PLEKHA7: variants seen among roughly 807,000 people sequenced by gnomAD.
The protein encoded by PLEKHA7 is pleckstrin homology domain containing A7.
In PLEKHA7, 104 loss-of-function variants were observed where a neutral mutation model predicts 170.0. The ratio of observed to expected loss-of-function variants is 0.61; its 90% CI spans 0.52 to 0.72. The LOEUF is 0.72. Among genes scored for constraint, PLEKHA7 ranks in the 30% least tolerant of loss-of-function variants. PLEKHA7 has a pLI of 0.00. For missense variants in PLEKHA7, 1,615 were observed against 1,671.7 expected, an observed-to-expected ratio of 0.97 and a Z score of 0.59; for synonymous variants, 648 against 660.8, an observed-to-expected ratio of 0.98 and a Z score of 0.30.
At chr11:17,006,391 C>T (rs1864994507) in intron 3 of PLEKHA7, among the ~76,000 whole-genome samples, 1 of 150,212 alleles carries the variant, frequency 6.7e-6, no homozygotes, top group Admixed American at 6.6e-5. Context: ...CTCTGGGAGG[C>T]CAAGGCAGGC....
Position 16,790,832 on chromosome 11 carries a change from G to A in PLEKHA7, c.3018C>T (p.Gly1006=), listed in dbSNP as rs1382955537. The change falls in exon 21 of 27, where the codon GGC becomes GGT. Residue 1006 remains glycine, a synonymous_variant. Transcript: ENST00000531066. The part of the protein sequence containing the change: ...DMAQPSLGLV[G]PESRYQTLPG... ...GCAGCGTCTGGTACCTGCTCTCAGG[G>A]CCCACAAGTCCTAGGGAGGGCTGGG... 3 of 1,609,322 alleles carry A rather than the reference G, an allele frequency of 1.9e-6. No homozygotes were observed. The highest frequency in any genetic ancestry group is 3.4e-5 in the Admixed American group (2 of 59,452).
chr11:16,827,830 A>G (rs528188263), intron 9 of PLEKHA7, among the ~76,000 whole-genome samples: 1,066 of 27,088 alleles, frequency 0.039, 13 homozygotes, highest in African/African-American at 0.07. Flanking sequence ...CTCCATGGTT[A>G]AAAAAAAAAA....
Position 16,803,090 on chromosome 11 carries a change from G to T in PLEKHA7, c.2077-38C>A, listed in dbSNP as rs376914229. On this transcript the variant is annotated intron_variant, in intron 14 of 26. Coordinates refer to ENST00000531066, the MANE Select transcript of PLEKHA7 (RefSeq NM_001329630.2). ...ACAGGTGGAGAGGGCCTGGGGTGAT[G>T]AGAAAAGGACATGACCTTGGGATTG... The T allele has an allele frequency of 4.4e-6, 7 of 1,583,646 alleles. No individual in the cohort carries two copies. The South Asian group carries it at 7.7e-5, about 18-fold the overall frequency.
chr11:16,891,355 G>A (rs1856601208), intron 3 of PLEKHA7, among the ~76,000 whole-genome samples: 1 of 152,234 alleles, frequency 6.6e-6, no homozygotes. Flanking sequence ...GGAGATTGGA[G>A]TGATGCCTCT....
intron 3 of PLEKHA7, among the ~76,000 whole-genome samples, chr11:16,988,577 G>T (rs1451474643): frequency 2.0e-5 from 3 of 152,138 alleles, no homozygotes; most frequent in Non-Finnish European, 4.4e-5. Context: ...CTCTCAAGTA[G>T]CTGGAATTAC....
At chr11:17,002,987 G>GT (rs1461344563) in intron 3 of PLEKHA7, among the ~76,000 whole-genome samples, 25,089 of 113,582 alleles carry the variant, frequency 0.22, 2,813 homozygotes, top group Middle Eastern at 0.33. Context: ...GAATAGTTGT[G>GT]CCTTTTTTTT....
chr11:16,986,540 T>C (rs1292267654), intron 3 of PLEKHA7, among the ~76,000 whole-genome samples: 3 of 152,158 alleles, frequency 2.0e-5, no homozygotes, highest in Non-Finnish European at 4.4e-5. Context: ...CCCTACTGAC[T>C]GGCTGGAGGC....
chr11:16,800,126 T>C (rs372063753), intron 17 of PLEKHA7, among the ~76,000 whole-genome samples: 1 of 152,180 alleles, frequency 6.6e-6, no homozygotes, highest in Admixed American at 6.5e-5. Flanking sequence ...ACAAGAAGCC[T>C]CAATTAATGC....
Position 16,789,992 on chromosome 11 carries a change from C to A in PLEKHA7, c.3053-114G>T. The A allele has an allele frequency of 1.1e-6, 1 of 907,828 alleles. No homozygotes were observed. Among genetic ancestry groups the A allele is most frequent in the South Asian group, 1.5e-5 (1 of 65,006 alleles). The allele number at this position is 907,828 out of a possible 1,614,324, so 56.2% of individuals were successfully genotyped here. A position where few individuals can be genotyped will look rare whatever the true frequency, so the allele number is the denominator to read the frequency against. On this transcript the variant is annotated intron_variant, in intron 21 of 26. Coordinates refer to ENST00000531066, the MANE Select transcript of PLEKHA7 (RefSeq NM_001329630.2). The surrounding 1 kb of genome is among the most constrained non-coding windows in gnomAD (Gnocchi z 4.6). ...CAAGAGCACCCAGTCAATGACCCACCCTTATTTCTCTTCTTCCTCCCCAGG... is the reference window on the plus strand; with the variant it reads ...CAAGAGCACCCAGTCAATGACCCACACTTATTTCTCTTCTTCCTCCCCAGG...
At chr11:16,858,453 G>T (rs1362452407) in intron 4 of PLEKHA7, among the ~76,000 whole-genome samples, 1 of 152,004 alleles carries the variant, frequency 6.6e-6, no homozygotes, top group Non-Finnish European at 1.5e-5. Context: ...AGGACAAATA[G>T]CTACTTTTGC....
intron 3 of PLEKHA7, among the ~76,000 whole-genome samples, chr11:16,954,291 G>A (rs1244011367): frequency 6.6e-6 from 1 of 152,160 alleles, no homozygotes; most frequent in Non-Finnish European, 1.5e-5. Context: ...TGAGGCAGGA[G>A]GACTACTTGA....
intron 9 of PLEKHA7, among the ~76,000 whole-genome samples, chr11:16,832,212 A>C (rs419613): frequency 0.63 from 95,376 of 152,010 alleles, 30,490 homozygotes; most frequent in East Asian, 0.87. Context: ...CTACTGACTA[A>C]CCCTGGATTC....
At chr11:16,855,322 T>C (rs144598693) in intron 5 of PLEKHA7, among the ~76,000 whole-genome samples, 23 of 152,320 alleles carry the variant, frequency 1.5e-4, no homozygotes, top group African/African-American at 5.5e-4. Flanking sequence ...TCACAGCTTT[T>C]TGCCAATTTC....
At chr11:17,011,243 G>A (rs1321770379) in intron 3 of PLEKHA7, among the ~76,000 whole-genome samples, 3 of 152,124 alleles carry the variant, frequency 2.0e-5, no homozygotes, top group Non-Finnish European at 4.4e-5. Context: ...CCTGCCCCTG[G>A]GTGACGCTAG....
intron 3 of PLEKHA7, among the ~76,000 whole-genome samples, chr11:16,945,532 TAGATGGAC>T (rs972023727): frequency 3.9e-5 from 6 of 152,234 alleles, no homozygotes; most frequent in African/African-American, 9.6e-5. Context: ...GGATGATGGA[TAGATGGAC>T]AGATGGACAG....
chr11:16,869,191 C>T (rs1590400359), intron 4 of PLEKHA7, among the ~76,000 whole-genome samples: 1 of 152,178 alleles, frequency 6.6e-6, no homozygotes, highest in Admixed American at 6.6e-5. Context: ...ACAATCTTTA[C>T]CTTCCACTCA....
chr11:17,005,398 G>A (rs759081649), intron 3 of PLEKHA7, among the ~76,000 whole-genome samples: 1 of 152,166 alleles, frequency 6.6e-6, no homozygotes, highest in Non-Finnish European at 1.5e-5. Context: ...CAGGCGTGGT[G>A]GTGGGTGTCT....
intron 3 of PLEKHA7, among the ~76,000 whole-genome samples, chr11:16,993,035 C>A (rs1864138662): frequency 2.0e-5 from 3 of 152,090 alleles, no homozygotes. Context: ...GCCAACTCTG[C>A]CACCTTTCCC....
chr11:16,984,107 C>T (rs7103326), intron 3 of PLEKHA7, among the ~76,000 whole-genome samples: 7,662 of 151,914 alleles, frequency 0.05, 365 homozygotes, highest in East Asian at 0.14. Flanking sequence ...AAGAACAAAA[C>T]TACCATTTAA....
Sources: gnomAD v4.1 joint callset for allele counts (sites outside exome capture counted in the v4.1 genomes callset) on GRCh38, gnomAD v4.1.1 for gene constraint, Gnocchi (gnomAD v3.1) non-coding constraint, MANE v1.5 for transcripts, NCBI Gene and HGNC (gene_info 2026-07-23, HGNC 2026-07-21) for gene names.